ASS1: variants seen among roughly 807,000 people sequenced by gnomAD.
The protein encoded by ASS1 is argininosuccinate synthase 1, also known as argininosuccinate synthase.
Under a neutral mutation model 60.5 loss-of-function variants are expected in ASS1, and 58 were observed. That is an observed-to-expected ratio of 0.96 (90% CI 0.78 to 1.19). The LOEUF (loss-of-function observed/expected upper bound fraction) is 1.19, where lower values mean the gene tolerates loss of function less well. Among genes scored for constraint, ASS1 ranks in the 50% most tolerant of loss-of-function variants. The pLI is 0.00. For missense variants in ASS1, 454 were observed against 547.3 expected (o/e 0.83, Z 1.70); for synonymous variants, 200 against 206.9 (o/e 0.97, Z 0.29).
In ASS1 at chr9:130,470,122, T is replaced by C. The variant is rs1845832731; in HGVS notation, c.496-712T>C. ...AGGGCGACAAGCCTCATCTTCTTCC[T>C]CCTCTTAAGGCTGAGTCAGGTGGGC... is the stretch of plus-strand genomic sequence containing the variant. On this transcript the variant is annotated intron_variant, in intron 6 of 14. Coordinates refer to ENST00000352480, the MANE Select transcript of ASS1 (RefSeq NM_054012.4). The surrounding 1 kb of genome is among the most constrained non-coding windows in gnomAD (Gnocchi z 4.3). 6.6e-6 allele frequency among the ~76,000 whole-genome samples: 1 copy of C among 152,132 alleles called. No homozygotes were observed. Among genetic ancestry groups the C allele is most frequent in the Non-Finnish European group, 1.5e-5 (1 of 68,008 alleles).
Position 130,470,679 on chromosome 9 carries a change from A to C in ASS1, c.496-155A>C, listed in dbSNP as rs1053113972. Among the ~76,000 whole-genome samples, 8 of 152,180 alleles carry C rather than the reference A, an allele frequency of 5.3e-5. No homozygotes were observed. Among genetic ancestry groups the C allele is most frequent in the Non-Finnish European group, 1.5e-5 (1 of 68,014 alleles). On this transcript the variant is annotated intron_variant, in intron 6 of 14. Coordinates refer to ENST00000352480, the MANE Select transcript of ASS1 (RefSeq NM_054012.4). This position sits in a 1 kb window ranked among gnomAD's most constrained non-coding sequence, Gnocchi z 4.3. ...GCATGTCCAGCAATAGGGTCCCCCC[A>C]GGGAGGTGACCGTGACCAACACTAG... is the stretch of plus-strand genomic sequence containing the variant.
intron 11 of ASS1, among the ~76,000 whole-genome samples, chr9:130,480,761 G>C (rs1846151808): frequency 6.6e-6 from 1 of 152,200 alleles, no homozygotes; most frequent in Non-Finnish European, 1.5e-5. Context: ...CTTGTGTCTG[G>C]GGTGGGCAGG....
intron 11 of ASS1, among the ~76,000 whole-genome samples, chr9:130,485,300 A>G (rs1273464051): frequency 1.3e-5 from 2 of 152,194 alleles, no homozygotes; most frequent in East Asian, 3.8e-4. Flanking sequence ...GTAGGTCCCA[A>G]AGGAAGTTGG....
intron 8 of ASS1, among the ~76,000 whole-genome samples, chr9:130,471,952 C>T (rs1182911701): frequency 1.3e-5 from 2 of 152,030 alleles, no homozygotes; most frequent in Non-Finnish European, 2.9e-5. Context: ...TTGTCTGGAT[C>T]CGTGTTGCAC....
At chr9:130,446,923 G>A (rs897560974) in intron 1 of ASS1, among the ~76,000 whole-genome samples, 2 of 152,194 alleles carry the variant, frequency 1.3e-5, no homozygotes, top group Admixed American at 6.5e-5. Flanking sequence ...CTTCCAGGGC[G>A]TGGCTCCCTC....
At chr9:130,463,301 G>T (rs1845647647) in intron 4 of ASS1, among the ~76,000 whole-genome samples, 1 of 152,256 alleles carries the variant, frequency 6.6e-6, no homozygotes, top group Non-Finnish European at 1.5e-5. Context: ...AGCTGGGCTG[G>T]CGGATGCCTG....
rs1232662352 is a variant in ASS1, at chr9:130,491,762, TAAAAG to T, written c.970+2299_970+2303del. Among the ~76,000 whole-genome samples, 2 of 152,088 alleles carry T rather than the reference TAAAAG, an allele frequency of 1.3e-5. No homozygotes were observed. Among genetic ancestry groups the T allele is most frequent in the African/African-American group, 4.8e-5 (2 of 41,424 alleles). Reference sequence around the variant, plus strand: ...ACTGAGGTACAATGATTAGGAGACTTAAAAGGAAACAAAATCTCAGAGTGGAGGCG... The same window carrying T: ...ACTGAGGTACAATGATTAGGAGACTTGAAACAAAATCTCAGAGTGGAGGCG... On this transcript the variant is annotated intron_variant, in intron 12 of 14. Transcript: ENST00000352480. The surrounding 1 kb of genome is among the most constrained non-coding windows in gnomAD (Gnocchi z 5.3).
At position 130,466,790 on chromosome 9, in the gene ASS1, G is replaced by A; in HGVS notation, c.486G>A (p.Glu162=). Residue 162 remains glutamate (E), a synonymous_variant, in exon 6 of 15, where the codon GAG becomes GAA. Coordinates refer to ENST00000352480, the MANE Select transcript of ASS1 (RefSeq NM_054012.4). ...TCAAGGGCCGCAATGACCTGATGGA[G>A]TACGCAAAGGTATGGCCGAGTCTCC... ...NRFKGRNDLM[E]YAKQHGIPIP... 3 of 1,614,056 alleles carry A rather than the reference G, an allele frequency of 1.9e-6. No individual in the cohort carries two copies. Among genetic ancestry groups the A allele is most frequent in the Non-Finnish European group, 2.5e-6 (3 of 1,179,976 alleles).
chr9:130,495,112 T>C, intron 13 of ASS1, 89 bp downstream of exon 13: 1 of 1,467,942 alleles, frequency 6.8e-7, no homozygotes, highest in Non-Finnish European at 9.2e-7. Flanking sequence ...CCTGAGCACA[T>C]GTCAGGCACC....
chr9:130,495,175 G>A (rs1417454078), intron 13 of ASS1, 152 bp downstream of exon 13: 19 of 1,158,210 alleles, frequency 1.6e-5, no homozygotes, highest in South Asian at 5.3e-5. Flanking sequence ...CTATGCTCCC[G>A]TGGAACTTAC....
chr9:130,445,798 T>A (rs1250872432), intron 1 of ASS1, among the ~76,000 whole-genome samples: 1 of 152,098 alleles, frequency 6.6e-6, no homozygotes, highest in Non-Finnish European at 1.5e-5. Flanking sequence ...GGCCTCAGTA[T>A]TCTTCTCTGA....
Position 130,488,665 on chromosome 9 carries a change from C to A in ASS1, c.839-668C>A, listed in dbSNP as rs139943659. On this transcript the variant is annotated intron_variant, in intron 11 of 14. Coordinates refer to ENST00000352480, the MANE Select transcript of ASS1 (RefSeq NM_054012.4). This position sits in a 1 kb window ranked among gnomAD's most constrained non-coding sequence, Gnocchi z 5.2. The stretch of plus-strand genomic sequence containing the variant: ...TCTCCCCTGACCTTCCAGGGTTGGG[C>A]CTCCACGGCCAGGTGACTTACAGGG... 5.1e-4 allele frequency among the ~76,000 whole-genome samples: 77 copies of A among 152,342 alleles called. 1 individual carries two copies. The highest frequency in any genetic ancestry group is 2.4e-3 in the Admixed American group (37 of 15,304).
intron 11 of ASS1, among the ~76,000 whole-genome samples, chr9:130,487,003 C>G (rs890094503): frequency 2.0e-5 from 3 of 148,642 alleles, no homozygotes; most frequent in Non-Finnish European, 4.5e-5. Flanking sequence ...GGGCCCATTC[C>G]CCCTCCAGTT....
At position 130,459,288 on chromosome 9, in the gene ASS1, C is replaced by T. The variant is rs532709885; in HGVS notation, c.363+699C>T. Among the ~76,000 whole-genome samples, 8 of 152,216 alleles carry T rather than the reference C, an allele frequency of 5.3e-5. No homozygotes were observed. In the East Asian group the frequency reaches 9.7e-4, roughly 18 times the overall value. ...TGTGGCTGCGTCACTCCTGTCCTTC[C>T]GTCCTCCATCTTCCCAAGCTGTCTT... On this transcript the variant is annotated intron_variant, in intron 4 of 14. Coordinates refer to ENST00000352480, the MANE Select transcript of ASS1 (RefSeq NM_054012.4). This position sits in a 1 kb window ranked among gnomAD's most constrained non-coding sequence, Gnocchi z 4.6.
intron 8 of ASS1, among the ~76,000 whole-genome samples, chr9:130,473,669 G>A (rs1406325321): frequency 1.3e-5 from 2 of 152,164 alleles, no homozygotes; most frequent in Non-Finnish European, 2.9e-5. Context: ...AACAGAGCCT[G>A]GGGAACCCGT....
rs891685788 is a variant in ASS1 at position 130,476,243 on chromosome 9, G to A, written c.598-628G>A. 3 of 154,006 alleles carry A rather than the reference G, an allele frequency of 1.9e-5. No homozygotes were observed. Among genetic ancestry groups the A allele is most frequent in the Non-Finnish European group, 4.3e-5 (3 of 69,312 alleles). The allele number at this position is 154,006 out of a possible 1,614,324, so 9.5% of individuals were successfully genotyped here. On this transcript the variant is annotated intron_variant, in intron 8 of 14. Coordinates refer to ENST00000352480, the MANE Select transcript of ASS1 (RefSeq NM_054012.4). The surrounding 1 kb of genome is among the most constrained non-coding windows in gnomAD (Gnocchi z 4.9). ...GAGCTGGGGCCTCCGAAGGTGGGAG[G>A]GAATTTCGAGAGTTTCAGGCAACAC... is the stretch of plus-strand genomic sequence containing the variant.
chr9:130,456,168 A>G (rs551311847), intron 3 of ASS1, among the ~76,000 whole-genome samples: 22 of 152,346 alleles, frequency 1.4e-4, no homozygotes, highest in African/African-American at 5.3e-4. Context: ...ATTTTCTTGC[A>G]TATAACATTA....
intron 11 of ASS1, among the ~76,000 whole-genome samples, chr9:130,483,791 C>CCTCTCTCCCTTTCCTCCTCA (rs1846231331): frequency 6.6e-6 from 1 of 151,844 alleles, no homozygotes; most frequent in Non-Finnish European, 1.5e-5. Context: ...TTTCCTCCTC[C>CCTCTCTCCCTTTCCTCCTCA]CTCTCTCCCT....
At chr9:130,499,307 G>A (rs747431872) in intron 13 of ASS1, among the ~76,000 whole-genome samples, 198 bp from the exon 14 acceptor site, 20 of 152,354 alleles carry the variant, frequency 1.3e-4, no homozygotes, top group African/African-American at 3.1e-4. Context: ...CAACCTTTGG[G>A]TGGGTGCCTG....
Sources: gnomAD v4.1 joint callset for allele counts (sites outside exome capture counted in the v4.1 genomes callset) on GRCh38, gnomAD v4.1.1 for gene constraint, Gnocchi (gnomAD v3.1) non-coding constraint, MANE v1.5 for transcripts, NCBI Gene and HGNC (gene_info 2026-07-23, HGNC 2026-07-21) for gene names.